Variants in GNGT1 observed in about 807,000 individuals in gnomAD.
GNGT1 encodes G protein subunit gamma transducin 1, also known as guanine nucleotide-binding protein G(T) subunit gamma-T1.
GNGT1 carries 4 observed loss-of-function variants against 7.4 expected under a neutral mutation model. The ratio of observed to expected loss-of-function variants is 0.54; its 90% CI spans 0.27 to 1.24. The LOEUF is 1.24. Ranked by LOEUF, GNGT1 falls within the 50% of genes most tolerant of loss-of-function variation. GNGT1 has a pLI of 0.12. For synonymous variants in GNGT1, 37 were observed against 30.2 expected (o/e 1.23, Z -0.74); for missense variants, 95 against 82.4 (o/e 1.15, Z -0.59).
chr7:93,906,573 G>A lies in GNGT1; in HGVS notation c.-83G>A. ...AAGGCTAGTGTGCATTGCTAGAATT[G>A]TTAAGAGAGAGAGCTCATATGAAAT... On this transcript the variant is annotated 5_prime_UTR_variant, in exon 1 of 3. Coordinates refer to ENST00000248572, the MANE Select transcript of GNGT1 (RefSeq NM_021955.5). 1 of 576,788 alleles carries A rather than the reference G, an allele frequency of 1.7e-6. No homozygotes were observed. The highest frequency in any genetic ancestry group is 2.3e-5 in the South Asian group (1 of 43,170). The allele number at this position is 576,788 out of a possible 1,614,324, so 35.7% of individuals were successfully genotyped here.
chr7:93,909,027 T>G (rs534836581), intron 2 of GNGT1, among the ~76,000 whole-genome samples: 96 of 152,334 alleles, frequency 6.3e-4, no homozygotes, highest in African/African-American at 2.3e-3. Context: ...GTGCTTTATG[T>G]CATTATATTA....
chr7:93,909,651 A>G, intron 2 of GNGT1: 1 of 534,680 alleles, frequency 1.9e-6, no homozygotes, highest in East Asian at 2.9e-5. Flanking sequence ...ATTAATGCAT[A>G]TTTCAAAAGT....
At position 93,911,042 on chromosome 7, in the gene GNGT1, A is replaced by T. The variant is rs542372552; in HGVS notation, c.*124A>T. 1.6e-5 allele frequency: 9 copies of T among 547,542 alleles called. No homozygotes were observed. Among genetic ancestry groups the T allele is most frequent in the Non-Finnish European group, 2.6e-5 (9 of 342,056 alleles). 33.9% of individuals were successfully genotyped at this position (547,542 alleles called of 1,614,324 possible). On this transcript the variant is annotated 3_prime_UTR_variant, in exon 3 of 3. Coordinates refer to ENST00000248572, the MANE Select transcript of GNGT1 (RefSeq NM_021955.5). ...TGTACGTGAATTTTTAAATTTATAG[A>T]TGTAAACTTTTAATAAAAATTGGGG...
intron 2 of GNGT1, among the ~76,000 whole-genome samples, chr7:93,909,288 T>C (rs1015276319): frequency 4.6e-5 from 7 of 152,218 alleles, no homozygotes; most frequent in African/African-American, 1.7e-4. Context: ...CAGCTATTCA[T>C]ATTTTATACA....
intron 2 of GNGT1, among the ~76,000 whole-genome samples, chr7:93,907,524 G>A (rs1350418719): frequency 1.3e-5 from 2 of 152,054 alleles, no homozygotes; most frequent in Non-Finnish European, 2.9e-5. Flanking sequence ...CTTGGAAAGG[G>A]TTACCAACAG....
At chr7:93,908,492 C>G (rs1395604731) in intron 2 of GNGT1, among the ~76,000 whole-genome samples, 1 of 151,888 alleles carries the variant, frequency 6.6e-6, no homozygotes, top group Non-Finnish European at 1.5e-5. Flanking sequence ...TGACGAAGCT[C>G]TCTGGGGTCT....
Position 93,911,147 on chromosome 7 carries a change from A to T in GNGT1, c.*229A>T, listed in dbSNP as rs1331065544. 1 of 236,046 alleles carries T rather than the reference A, an allele frequency of 4.2e-6. No homozygotes were observed. The highest frequency in any genetic ancestry group is 2.3e-5 in the African/African-American group (1 of 44,304). 14.6% of individuals were successfully genotyped at this position (236,046 alleles called of 1,614,324 possible). A position where few individuals can be genotyped will look rare whatever the true frequency, so the allele number is the denominator to read the frequency against. On this transcript the variant is annotated 3_prime_UTR_variant, in exon 3 of 3. Transcript: ENST00000248572. ...ACATAATTGCCAATAAATATTGCTT[A>T]AAGTTCTTTAAAAAGAACTATGTTT...
chr7:93,909,515 T>C (rs1180965200), intron 2 of GNGT1: 1 of 702,210 alleles, frequency 1.4e-6, no homozygotes, highest in Non-Finnish European at 2.6e-6. Flanking sequence ...ACCAATCCCT[T>C]ATGGACTACT....
chr7:93,909,452 TTTG>T, intron 2 of GNGT1: 1 of 701,498 alleles, frequency 1.4e-6, no homozygotes, highest in Non-Finnish European at 2.6e-6. Flanking sequence ...TTTTAGGTAA[TTTG>T]TTGCTCCTTT....
rs143310057 is a variant in GNGT1, at chr7:93,910,905, G to A, written c.212G>A (p.Cys71Tyr). The change falls in exon 3 of 3, where the codon TGT becomes TAT. Residue 71 changes from cysteine to tyrosine, a missense_variant. Coordinates refer to ENST00000248572, the MANE Select transcript of GNGT1 (RefSeq NM_021955.5). ...KNPFKELKGGCVIS is the reference protein window; with the variant it reads ...KNPFKELKGGYVIS ...CCCTTCAAGGAGCTCAAAGGAGGCT[G>A]TGTGATTTCATAATACAAACAAAAA... 2 of 1,578,764 alleles carry A rather than the reference G, an allele frequency of 1.3e-6. No homozygotes were observed. Among genetic ancestry groups the A allele is most frequent in the Admixed American group, 1.9e-5 (1 of 54,044 alleles).
chr7:93,910,674 G>A, intron 2 of GNGT1, 116 bp from the exon 3 acceptor site: 1 of 677,226 alleles, frequency 1.5e-6, no homozygotes, highest in Non-Finnish European at 2.4e-6. Flanking sequence ...GTGTAAAGTA[G>A]AGAGAATCAA....
intron 2 of GNGT1, among the ~76,000 whole-genome samples, chr7:93,907,243 A>G (rs1010308053): frequency 1.3e-5 from 2 of 152,120 alleles, no homozygotes; most frequent in African/African-American, 4.8e-5. Flanking sequence ...GACAAAAACC[A>G]TATTTTAGAT....
In GNGT1 at chr7:93,911,060, A is replaced by C. The variant is rs572487900; in HGVS notation, c.*142A>C. ...TTTATAGATGTAAACTTTTAATAAA[A>C]ATTGGGGTGTGGTAACCCATCATTC... On this transcript the variant is annotated 3_prime_UTR_variant, in exon 3 of 3. Coordinates refer to ENST00000248572, the MANE Select transcript of GNGT1 (RefSeq NM_021955.5). The C allele has an allele frequency of 1.8e-5, 9 of 491,128 alleles. No individual in the cohort carries two copies. In the South Asian group the frequency reaches 3.5e-4, roughly 19 times the overall value. 30.4% of individuals were successfully genotyped at this position (491,128 alleles called of 1,614,324 possible).
rs779423987 is a variant in GNGT1 at position 93,910,953 on chromosome 7, T to A, written c.*35T>A. On this transcript the variant is annotated 3_prime_UTR_variant, in exon 3 of 3. Coordinates refer to ENST00000248572, the MANE Select transcript of GNGT1 (RefSeq NM_021955.5). ...AAAGAAAAAAAATTAAACAAATTCT[T>A]GGAAATATCTCAAATGTTAATAACA... 8.3e-6 allele frequency: 12 copies of A among 1,445,690 alleles called. No individual in the cohort carries two copies. In the East Asian group the frequency reaches 2.6e-4, roughly 32 times the overall value. The allele number at this position is 1,445,690 out of a possible 1,614,324, so 89.6% of individuals were successfully genotyped here. A position where few individuals can be genotyped will look rare whatever the true frequency, so the allele number is the denominator to read the frequency against.
chr7:93,909,249 C>T (rs2115895847), intron 2 of GNGT1, among the ~76,000 whole-genome samples: 1 of 152,292 alleles, frequency 6.6e-6, no homozygotes, highest in East Asian at 1.9e-4. Flanking sequence ...TTGTGCCAGG[C>T]ACCTCTTAGG....
rs1794464394 is a variant in GNGT1 at position 93,911,245 on chromosome 7, A to G, written c.*327A>G. The G allele has an allele frequency of 6.5e-6, 1 of 154,400 alleles. No homozygotes were observed. The allele number at this position is 154,400 out of a possible 1,614,324, so 9.6% of individuals were successfully genotyped here. A position where few individuals can be genotyped will look rare whatever the true frequency, so the allele number is the denominator to read the frequency against. ...TTTATGTTTTTTCACTTCCCTTTCA[A>G]CACTTACAATTTTCTACCCAGAAAT... On this transcript the variant is annotated 3_prime_UTR_variant, in exon 3 of 3. Transcript: ENST00000248572.
chr7:93,908,009 G>C (rs1794402789), intron 2 of GNGT1, among the ~76,000 whole-genome samples: 1 of 152,094 alleles, frequency 6.6e-6, no homozygotes, highest in Non-Finnish European at 1.5e-5. Flanking sequence ...ATATCCAAAA[G>C]CTGTTTTATT....
Position 93,906,575 on chromosome 7 carries a change from T to A in GNGT1, c.-81T>A. 1.7e-6 allele frequency: 1 copy of A among 579,508 alleles called. No individual in the cohort carries two copies. The highest frequency in any genetic ancestry group is 3.0e-6 in the Non-Finnish European group (1 of 329,512). 35.9% of individuals were successfully genotyped at this position (579,508 alleles called of 1,614,324 possible). A position where few individuals can be genotyped will look rare whatever the true frequency, so the allele number is the denominator to read the frequency against. On this transcript the variant is annotated 5_prime_UTR_variant, in exon 1 of 3. Transcript: ENST00000248572. ...GGCTAGTGTGCATTGCTAGAATTGT[T>A]AAGAGAGAGAGCTCATATGAAATTG...
In GNGT1 at chr7:93,910,858, G is replaced by A. The variant is rs554239065; in HGVS notation, c.165G>A (p.Lys55=). The change falls in exon 3 of 3, where the codon AAG becomes AAA. Residue 55 remains lysine (K), a synonymous_variant. Transcript: ENST00000248572. ...GATCTGGCGAGGATCCACTGGTAAA[G>A]GGCATCCCAGAGGACAAAAATCCCT... ...EERSGEDPLV[K]GIPEDKNPFK... The A allele has an allele frequency of 3.1e-6, 5 of 1,608,446 alleles. No individual in the cohort carries two copies. The highest frequency in any genetic ancestry group is 3.3e-5 in the Admixed American group (2 of 59,914).
Sources: allele counts gnomAD v4.1 joint callset (sites outside exome capture counted in the v4.1 genomes callset), GRCh38; gene constraint gnomAD v4.1.1; transcripts MANE v1.5; gene names NCBI Gene and HGNC (gene_info 2026-07-23, HGNC 2026-07-21).